Variants in CPEB3 observed in about 807,000 individuals in gnomAD.
The protein encoded by CPEB3 is cytoplasmic polyadenylation element binding protein 3.
Under a neutral mutation model 67.2 loss-of-function variants are expected in CPEB3, and 20 were observed. The observed-to-expected ratio is 0.30, with a 90% CI of 0.21 to 0.43. The LOEUF is 0.43. Among genes scored for constraint, CPEB3 ranks in the 20% least tolerant of loss-of-function variants. The pLI is 1.00. For missense variants in CPEB3, 746 were observed against 968.6 expected (o/e 0.77, Z 3.05); for synonymous variants, 376 against 393.1 (o/e 0.96, Z 0.51).
intron 7 of CPEB3, among the ~76,000 whole-genome samples, chr10:92,105,478 C>T (rs1444940268): frequency 1.3e-5 from 2 of 152,012 alleles, no homozygotes; most frequent in Non-Finnish European, 2.9e-5. Context: ...ATTTTTATTC[C>T]CTATACTTCC....
At chr10:92,063,026 T>G (rs1353001429) in intron 9 of CPEB3, among the ~76,000 whole-genome samples, 2 of 152,198 alleles carry the variant, frequency 1.3e-5, no homozygotes, top group Non-Finnish European at 2.9e-5. Context: ...TTGTAACCAC[T>G]AAGGATAAGA....
chr10:92,054,457 C>A (rs1474605044), intron 9 of CPEB3, among the ~76,000 whole-genome samples: 1 of 151,688 alleles, frequency 6.6e-6, no homozygotes, highest in Non-Finnish European at 1.5e-5. Context: ...GCGTCTCACT[C>A]TTGTTGCCCA....
intron 2 of CPEB3, among the ~76,000 whole-genome samples, chr10:92,232,982 AATATTT>A (rs1431545409): frequency 1.3e-5 from 2 of 152,174 alleles, no homozygotes; most frequent in Admixed American, 6.6e-5. Flanking sequence ...ACAAAAACCT[AATATTT>A]CCTAACCAAT....
chr10:92,162,675 C>A (rs1847545500), intron 4 of CPEB3, among the ~76,000 whole-genome samples: 1 of 152,134 alleles, frequency 6.6e-6, no homozygotes, highest in African/African-American at 2.4e-5. Flanking sequence ...GACAAGTACA[C>A]TGTCAACAGC....
chr10:92,230,103 CA>C (rs1200925337), intron 2 of CPEB3, among the ~76,000 whole-genome samples: 1 of 151,566 alleles, frequency 6.6e-6, no homozygotes, highest in Non-Finnish European at 1.5e-5. Context: ...TTAAATATAC[CA>C]CATGTAAAGA....
intron 8 of CPEB3, among the ~76,000 whole-genome samples, chr10:92,088,629 T>C (rs975337282): frequency 6.6e-6 from 1 of 151,380 alleles, no homozygotes; most frequent in Non-Finnish European, 1.5e-5. Context: ...ATATCAAAGA[T>C]TAAAAAAAAA....
At chr10:92,102,520 T>C (rs185713827) in intron 7 of CPEB3, among the ~76,000 whole-genome samples, 17 of 152,202 alleles carry the variant, frequency 1.1e-4, no homozygotes, top group Non-Finnish European at 2.5e-4. Context: ...GAGCCTATTA[T>C]CTGATGCAAG....
At chr10:92,196,649 T>A (rs1373194244) in intron 2 of CPEB3, among the ~76,000 whole-genome samples, 3 of 151,682 alleles carry the variant, frequency 2.0e-5, no homozygotes. Context: ...GCGCCTGTAG[T>A]CCCAACTACT....
At chr10:92,270,946 G>A (rs992903779) in intron 1 of CPEB3, among the ~76,000 whole-genome samples, 3 of 152,290 alleles carry the variant, frequency 2.0e-5, no homozygotes, top group African/African-American at 7.2e-5. Flanking sequence ...GGAGGCCAAG[G>A]CGGGTGGATC....
At chr10:92,246,314 A>G (rs1339324689) in intron 1 of CPEB3, among the ~76,000 whole-genome samples, 2 of 151,074 alleles carry the variant, frequency 1.3e-5, no homozygotes, top group Admixed American at 6.6e-5. Context: ...AGCCTGGGAG[A>G]CAGAGCGAGA....
At chr10:92,275,193 C>T (rs866879356) in intron 1 of CPEB3, among the ~76,000 whole-genome samples, 4 of 152,198 alleles carry the variant, frequency 2.6e-5, no homozygotes, top group African/African-American at 7.2e-5. Flanking sequence ...CTACATAACT[C>T]TTTGTTGTGA....
Position 92,286,947 on chromosome 10 carries a change from C to T in CPEB3, c.-12+3979G>A, listed in dbSNP as rs1013727480. ...ACAGAATTATTAAAATAGTGGTGTG[C>T]GCCTATAATCCCAACTCTTTAGAAC... On this transcript the variant is annotated intron_variant, in intron 1 of 9. Coordinates refer to ENST00000265997, the MANE Select transcript of CPEB3 (RefSeq NM_014912.5). Among the ~76,000 whole-genome samples the T allele has an allele frequency of 9.2e-5, 14 of 152,218 alleles. No homozygotes were observed. The East Asian group carries it at 2.1e-3, about 23-fold the overall frequency.
intron 3 of CPEB3, among the ~76,000 whole-genome samples, chr10:92,191,129 C>T (rs1350524569): frequency 1.3e-5 from 2 of 152,052 alleles, no homozygotes; most frequent in African/African-American, 2.4e-5. Flanking sequence ...ATGCAAGTAT[C>T]AGCCGGGTGC....
chr10:92,144,897 C>A (rs1229323017), intron 5 of CPEB3, 48 bp downstream of exon 5: 11 of 1,577,910 alleles, frequency 7.0e-6, no homozygotes, highest in South Asian at 1.1e-5. Context: ...TCAGAACACA[C>A]AAATAACAAA....
intron 3 of CPEB3, among the ~76,000 whole-genome samples, chr10:92,191,474 T>C (rs1848981009): frequency 6.6e-6 from 1 of 152,188 alleles, no homozygotes; most frequent in Non-Finnish European, 1.5e-5. Context: ...ATTGACTACT[T>C]TCTTTTCACT....
chr10:92,156,892 A>G (rs1047388600), intron 4 of CPEB3, among the ~76,000 whole-genome samples: 2 of 152,234 alleles, frequency 1.3e-5, no homozygotes, highest in Non-Finnish European at 2.9e-5. Flanking sequence ...AATAAATGAT[A>G]AAAGTATTGT....
intron 1 of CPEB3, among the ~76,000 whole-genome samples, chr10:92,286,718 G>T (rs1842544694): frequency 6.6e-6 from 1 of 152,050 alleles, no homozygotes; most frequent in South Asian, 2.1e-4. Context: ...GACTCAGCCT[G>T]CAGTTTATCA....
chr10:92,077,730 G>A (rs183002328), intron 9 of CPEB3, among the ~76,000 whole-genome samples: 1 of 149,758 alleles, frequency 6.7e-6, no homozygotes, highest in East Asian at 2.0e-4. Flanking sequence ...GTGAGACCCT[G>A]TCACAAAAAG....
At chr10:92,161,763 A>G (rs1847494587) in intron 4 of CPEB3, among the ~76,000 whole-genome samples, 1 of 152,188 alleles carries the variant, frequency 6.6e-6, no homozygotes, top group African/African-American at 2.4e-5. Flanking sequence ...CTCCCGGTAC[A>G]AGCGATTCTT....
Sources: allele counts gnomAD v4.1 joint callset (sites outside exome capture counted in the v4.1 genomes callset), GRCh38; gene constraint gnomAD v4.1.1; transcripts MANE v1.5; gene names NCBI Gene and HGNC (gene_info 2026-07-23, HGNC 2026-07-21).